The following CLMN variants were observed in gnomAD, a reference collection of about 807,000 sequenced individuals.
CLMN encodes calmin (calponin-like, transmembrane).
In CLMN, 57 loss-of-function variants were observed where a neutral mutation model predicts 92.7. That is an observed-to-expected ratio of 0.61 (90% CI 0.50 to 0.77). The LOEUF is 0.77. Ranked by LOEUF, CLMN falls within the 30% of genes least tolerant of loss-of-function variation. CLMN has a pLI of 0.00. For missense variants in CLMN, 1,158 were observed against 1,237.5 expected (o/e 0.94, Z 0.96); for synonymous variants, 466 against 470.6 (o/e 0.99, Z 0.13).
chr14:95,309,349 G>A (rs1901426382), intron 1 of CLMN, among the ~76,000 whole-genome samples: 1 of 152,122 alleles, frequency 6.6e-6, no homozygotes, highest in Non-Finnish European at 1.5e-5. Context: ...TTGCTCTAGG[G>A]TAACGGCATT....
intron 1 of CLMN, among the ~76,000 whole-genome samples, chr14:95,246,295 C>T (rs1898567627): frequency 6.6e-6 from 1 of 152,170 alleles, no homozygotes; most frequent in African/African-American, 2.4e-5. Context: ...GCTGAAATCA[C>T]TCAAACTACC....
intron 1 of CLMN, among the ~76,000 whole-genome samples, chr14:95,254,549 C>T (rs1306487978): frequency 6.6e-6 from 1 of 152,256 alleles, no homozygotes; most frequent in Non-Finnish European, 1.5e-5. Flanking sequence ...GCCCCCTTGG[C>T]TCCCTGCGTG....
chr14:95,278,148 T>C (rs1427074419), intron 1 of CLMN, among the ~76,000 whole-genome samples: 1 of 152,178 alleles, frequency 6.6e-6, no homozygotes, highest in Admixed American at 6.5e-5. Flanking sequence ...AAGTACCTCA[T>C]ACACCCATAG....
chr14:95,200,586 T>C (rs926914367), intron 9 of CLMN, among the ~76,000 whole-genome samples: 1 of 152,148 alleles, frequency 6.6e-6, no homozygotes, highest in Non-Finnish European at 1.5e-5. Flanking sequence ...GCAGCACTTA[T>C]TAACGTGGCA....
At chr14:95,252,494 G>A (rs553622361) in intron 1 of CLMN, among the ~76,000 whole-genome samples, 6 of 152,162 alleles carry the variant, frequency 3.9e-5, no homozygotes, top group Non-Finnish European at 8.8e-5. Flanking sequence ...CATTGCTTAC[G>A]AGTAGCTGAG....
At chr14:95,318,240 T>C (rs1901882151) in intron 1 of CLMN, among the ~76,000 whole-genome samples, 1 of 152,214 alleles carries the variant, frequency 6.6e-6, no homozygotes, top group Non-Finnish European at 1.5e-5. Context: ...AAGACACTAA[T>C]GCCCACCCCC....
chr14:95,274,352 C>T lies in CLMN; in HGVS notation c.83-44219G>A, dbSNP rs115753940. 4.5e-3 allele frequency among the ~76,000 whole-genome samples: 687 copies of T among 152,252 alleles called. 5 individuals are homozygous for T. Among genetic ancestry groups the T allele is most frequent in the African/African-American group, 0.016 (653 of 41,540 alleles). On this transcript the variant is annotated intron_variant, in intron 1 of 12. Transcript: ENST00000298912. Reference sequence around the variant, plus strand: ...TTATGAACTTCCCAGGGCTACGTGGCACCTAGCACACGAAGTCAGGAGGTA... The same window carrying T: ...TTATGAACTTCCCAGGGCTACGTGGTACCTAGCACACGAAGTCAGGAGGTA...
At position 95,203,041 on chromosome 14, in the gene CLMN, T is replaced by C; in HGVS notation, c.2308A>G (p.Arg770Gly). 2 of 1,614,170 alleles carry C rather than the reference T, an allele frequency of 1.2e-6. No homozygotes were observed. The highest frequency in any genetic ancestry group is 1.7e-6 in the Non-Finnish European group (2 of 1,180,010). The change falls in exon 9 of 13, where the codon AGG becomes GGG. Residue 770 changes from arginine (R) to glycine (G), a missense_variant. Transcript: ENST00000298912. ...PEGYMPDLDS[R>G]EEEADGSQSS... ...TGAGAGCCATCGGCCTCCTCCTCCC[T>C]GGAGTCCAGGTCTGGCATATAGCCC...
chr14:95,319,863 C>CGGAGAGCCTGGCTGGCGGGCGT lies in CLMN; in HGVS notation c.-72_-71insACGCCCGCCAGCCAGGCTCTCC. ...GCGCGGAGAGCCTGGCTGGCGGGCG[C>CGGAGAGCCTGGCTGGCGGGCGT]GCGAGCGGCACGCACCCGGCGAGGG... is the stretch of plus-strand genomic sequence containing the variant. On this transcript the variant is annotated 5_prime_UTR_variant, in exon 1 of 13. Transcript: ENST00000298912. 2.2e-6 allele frequency: 2 copies of CGGAGAGCCTGGCTGGCGGGCGT among 895,856 alleles called. No individual in the cohort carries two copies. Among genetic ancestry groups the CGGAGAGCCTGGCTGGCGGGCGT allele is most frequent in the Non-Finnish European group, 2.7e-6 (2 of 752,922 alleles). The allele number at this position is 895,856 out of a possible 1,614,324, so 55.5% of individuals were successfully genotyped here.
chr14:95,230,041 T>C, intron 2 of CLMN, 31 bp downstream of exon 2: 1 of 1,601,166 alleles, frequency 6.2e-7, no homozygotes, highest in East Asian at 2.2e-5. Context: ...GATGAATCTA[T>C]CACTTAGCAA....
chr14:95,191,421 A>AACCAAAAAAAAAAAAAAAAAC lies in CLMN; in HGVS notation c.*142_*143insGTTTTTTTTTTTTTTTTTGGT, dbSNP rs779597760. On this transcript the variant is annotated 3_prime_UTR_variant, in exon 13 of 13. Transcript: ENST00000298912. The surrounding 1 kb of genome is among the most constrained non-coding windows in gnomAD (Gnocchi z 5.3). ...AAGGAAACCTGAAAAAAAAAAAAAAACCACAATAGCGAGAAAGGGGGTCTA... is the reference window on the plus strand; with the variant it reads ...AAGGAAACCTGAAAAAAAAAAAAAAAACCAAAAAAAAAAAAAAAAACCCACAATAGCGAGAAAGGGGGTCTA... 2.1e-6 allele frequency: 1 copy of AACCAAAAAAAAAAAAAAAAAC among 476,698 alleles called. No individual in the cohort carries two copies. 29.5% of individuals were successfully genotyped at this position (476,698 alleles called of 1,614,324 possible). A position where few individuals can be genotyped will look rare whatever the true frequency, so the allele number is the denominator to read the frequency against.
At chr14:95,283,848 C>T (rs540841566) in intron 1 of CLMN, among the ~76,000 whole-genome samples, 9 of 152,084 alleles carry the variant, frequency 5.9e-5, no homozygotes, top group African/African-American at 1.7e-4. Context: ...TCTGACTATG[C>T]GATAGAAAAG....
rs560996808 is a variant in CLMN at position 95,224,887 on chromosome 14, TAGC to T, written c.145-1035_145-1033del. 9.9e-5 allele frequency among the ~76,000 whole-genome samples: 15 copies of T among 152,220 alleles called. No individual in the cohort carries two copies. The South Asian group carries it at 3.1e-3, about 32-fold the overall frequency. ...CCAAGTCTGGAGGTGGTGGGACCCT[TAGC>T]AGAGGAAGCCAGGAAAGGGGGCTGG... On this transcript the variant is annotated intron_variant, in intron 2 of 12. Transcript: ENST00000298912.
chr14:95,209,825 A>G (rs926628880), intron 7 of CLMN, among the ~76,000 whole-genome samples: 6 of 152,222 alleles, frequency 3.9e-5, no homozygotes, highest in Admixed American at 2.0e-4. Flanking sequence ...ACGGAGTCCT[A>G]CGTTAGCCTA....
rs766644944 is a variant in CLMN at position 95,203,247 on chromosome 14, C to G, written c.2102G>C (p.Gly701Ala). The stretch of plus-strand genomic sequence containing the variant: ...ATCCAGGCCTTCTTCGCTGTGACTC[C>G]CAAGGGTCTCCAAGCTGACACAGCT... ...PSSCVSLETL[G>A]SHSEEGLDFK... Residue 701 changes from glycine to alanine, a missense_variant, in exon 9 of 13, where the codon GGG becomes GCG. Transcript: ENST00000298912. 32 of 1,613,796 alleles carry G rather than the reference C, an allele frequency of 2.0e-5. No homozygotes were observed. Among genetic ancestry groups the G allele is most frequent in the Non-Finnish European group, 2.6e-5 (31 of 1,180,016 alleles).
intron 1 of CLMN, among the ~76,000 whole-genome samples, chr14:95,231,245 G>A (rs1487233909): frequency 6.7e-6 from 1 of 148,796 alleles, no homozygotes; most frequent in Non-Finnish European, 1.5e-5. Context: ...CACCCAGGCT[G>A]GAGTGCAGTG....
chr14:95,274,391 C>T (rs1899841361), intron 1 of CLMN, among the ~76,000 whole-genome samples: 1 of 152,140 alleles, frequency 6.6e-6, no homozygotes, highest in African/African-American at 2.4e-5. Context: ...TTATTACCAC[C>T]CCTGCCCATG....
At chr14:95,217,576 C>A (rs1489462924) in intron 4 of CLMN, among the ~76,000 whole-genome samples, 1 of 152,236 alleles carries the variant, frequency 6.6e-6, no homozygotes, top group Admixed American at 6.5e-5. Flanking sequence ...ATCACGAGCG[C>A]AAGTCCTGCA....
chr14:95,195,097 ATGGAGCCCCGC>A, intron 10 of CLMN, among the ~76,000 whole-genome samples: 4 of 152,280 alleles, frequency 2.6e-5, no homozygotes. Context: ...TCCTTGAAGG[ATGGAGCCCCGC>A]CTGAATCACC....
Sources: allele counts gnomAD v4.1 joint callset (sites outside exome capture counted in the v4.1 genomes callset), GRCh38; gene constraint gnomAD v4.1.1; non-coding constraint Gnocchi (gnomAD v3.1); transcripts MANE v1.5; gene names NCBI Gene and HGNC (gene_info 2026-07-23, HGNC 2026-07-21).